The following NMNAT3 variants were observed in gnomAD, a reference collection of about 807,000 sequenced individuals.
The protein encoded by NMNAT3 is nicotinamide/nicotinic acid mononucleotide adenylyltransferase 3.
Under a neutral mutation model 24.8 loss-of-function variants are expected in NMNAT3, and 21 were observed. The observed-to-expected ratio is 0.85, with a 90% CI of 0.60 to 1.22. The LOEUF (loss-of-function observed/expected upper bound fraction) is 1.22, where lower values mean the gene tolerates loss of function less well. Ranked by LOEUF, NMNAT3 falls within the 50% of genes most tolerant of loss-of-function variation. NMNAT3 has a pLI of 0.00. For missense variants in NMNAT3, 387 were observed against 436.6 expected (o/e 0.89, Z 1.01); for synonymous variants, 136 against 155.2 (o/e 0.88, Z 0.92).
At chr3:139,610,335 C>T (rs1403142854) in intron 3 of NMNAT3, among the ~76,000 whole-genome samples, 1 of 152,016 alleles carries the variant, frequency 6.6e-6, no homozygotes, top group East Asian at 1.9e-4. Context: ...TCAAGATAGA[C>T]ATATTAAAAA....
intron 3 of NMNAT3, among the ~76,000 whole-genome samples, chr3:139,623,062 T>C (rs1451987644): frequency 6.6e-6 from 1 of 151,846 alleles, no homozygotes; most frequent in Non-Finnish European, 1.5e-5. Context: ...AAATTAACTT[T>C]AGCTTACTAT....
intron 3 of NMNAT3, among the ~76,000 whole-genome samples, chr3:139,616,337 G>C (rs751094560): frequency 1.5e-4 from 23 of 152,132 alleles, no homozygotes; most frequent in Admixed American, 1.3e-3. Context: ...CTATTTCTTG[G>C]GTCTTCTTGA....
At chr3:139,608,878 A>C (rs1457479464) in intron 3 of NMNAT3, among the ~76,000 whole-genome samples, 1 of 152,074 alleles carries the variant, frequency 6.6e-6, no homozygotes, top group Non-Finnish European at 1.5e-5. Context: ...TTTTATAACC[A>C]CACCCACTTC....
At chr3:139,569,569 C>A (rs1333385422) in intron 6 of NMNAT3, 1 of 152,118 alleles carries the variant, frequency 6.6e-6, no homozygotes, top group African/African-American at 2.4e-5. Context: ...ATTTGCTTGT[C>A]TGTAAAGGGT....
chr3:139,577,715 TG>T (rs1939547769), intron 5 of NMNAT3: 1 of 152,204 alleles, frequency 6.6e-6, no homozygotes, highest in African/African-American at 2.4e-5. Flanking sequence ...TTTATACTAA[TG>T]GGTCATTAAA....
chr3:139,596,546 T>C (rs2054469330), intron 3 of NMNAT3, among the ~76,000 whole-genome samples: 2 of 152,134 alleles, frequency 1.3e-5, no homozygotes, highest in South Asian at 2.1e-4. Flanking sequence ...TCATGTTCCA[T>C]TATGCTGTCT....
chr3:139,622,160 C>T (rs562119919), intron 3 of NMNAT3, among the ~76,000 whole-genome samples: 134 of 152,258 alleles, frequency 8.8e-4, no homozygotes, highest in African/African-American at 3.1e-3. Context: ...TATCTCCATA[C>T]TGTTTTTCAT....
chr3:139,585,995 C>T (rs1388439059), intron 3 of NMNAT3, among the ~76,000 whole-genome samples: 1 of 152,200 alleles, frequency 6.6e-6, no homozygotes, highest in Non-Finnish European at 1.5e-5. Flanking sequence ...CTTAAGTGAG[C>T]CGTTCTGGCA....
At chr3:139,647,965 T>G (rs1323519848) in intron 1 of NMNAT3, among the ~76,000 whole-genome samples, 1 of 152,214 alleles carries the variant, frequency 6.6e-6, no homozygotes, top group South Asian at 2.1e-4. Flanking sequence ...GGTTCTTTGA[T>G]GATATTTGGC....
chr3:139,569,153 T>C (rs1316603187), intron 6 of NMNAT3: 1 of 136,008 alleles, frequency 7.4e-6, no homozygotes, highest in African/African-American at 2.6e-5. Context: ...TATCAGAGAC[T>C]AGGATTGCAA....
intron 3 of NMNAT3, among the ~76,000 whole-genome samples, chr3:139,592,214 T>G (rs1456787430): frequency 1.3e-5 from 2 of 152,092 alleles, no homozygotes; most frequent in African/African-American, 4.8e-5. Flanking sequence ...GAAGAAAGGG[T>G]ATCAGCGATG....
chr3:139,586,099 A>T (rs1158157116), intron 3 of NMNAT3, among the ~76,000 whole-genome samples: 1 of 152,206 alleles, frequency 6.6e-6, no homozygotes, highest in African/African-American at 2.4e-5. Flanking sequence ...TAGCTTTAAT[A>T]GTGAAGTTTG....
At chr3:139,582,110 G>A (rs1455908877) in intron 4 of NMNAT3, among the ~76,000 whole-genome samples, 5 of 145,870 alleles carry the variant, frequency 3.4e-5, no homozygotes, top group South Asian at 2.2e-4. Flanking sequence ...CAGGAGAATC[G>A]CCTGAGCCCA....
intron 5 of NMNAT3, chr3:139,576,061 ATCC>A: frequency 2.3e-6 from 3 of 1,287,510 alleles, no homozygotes; most frequent in Non-Finnish European, 3.0e-6. Flanking sequence ...GAAAGAAGGA[ATCC>A]TCAGTAAGCT....
chr3:139,566,164 T>G (rs1172103790), intron 6 of NMNAT3: 1 of 152,362 alleles, frequency 6.6e-6, no homozygotes, highest in South Asian at 2.1e-4. Context: ...TGTCTTCTTT[T>G]GAGAAGTGTC....
intron 3 of NMNAT3, chr3:139,583,450 T>C: frequency 6.2e-7 from 1 of 1,601,910 alleles, no homozygotes; most frequent in Non-Finnish European, 8.6e-7. Context: ...GCTGAGCTTT[T>C]TGAAGAACTT....
chr3:139,671,618 T>TCACACACA (rs140979498), intron 1 of NMNAT3, among the ~76,000 whole-genome samples: 1 of 150,564 alleles, frequency 6.6e-6, no homozygotes, highest in Non-Finnish European at 1.5e-5. Flanking sequence ...TCTCTCTCTC[T>TCACACACA]CACACACACA....
chr3:139,641,870 T>C (rs797006016), intron 1 of NMNAT3, among the ~76,000 whole-genome samples: 18 of 152,256 alleles, frequency 1.2e-4, no homozygotes, highest in African/African-American at 4.1e-4. Flanking sequence ...CCAATTTTAT[T>C]TTGCTTCAGG....
chr3:139,561,495 A>G (rs972774013), intron 6 of NMNAT3, 103 bp from the exon 7 acceptor site: 18 of 1,096,292 alleles, frequency 1.6e-5, no homozygotes, highest in Non-Finnish European at 2.0e-5. Flanking sequence ...GGATGTATCG[A>G]GAACTCAGTG....
Sources: gnomAD v4.1 joint callset for allele counts (sites outside exome capture counted in the v4.1 genomes callset) on GRCh38, gnomAD v4.1.1 for gene constraint, MANE v1.5 for transcripts, NCBI Gene and HGNC (gene_info 2026-07-23, HGNC 2026-07-21) for gene names.